Variants in TMEM132D observed in about 807,000 individuals in gnomAD.
TMEM132D encodes the protein transmembrane protein 132D.
In TMEM132D, 21 loss-of-function variants were observed where a neutral mutation model predicts 62.3. That is an observed-to-expected ratio of 0.34 (90% CI 0.24 to 0.49). The LOEUF (loss-of-function observed/expected upper bound fraction) is 0.49, where lower values mean the gene tolerates loss of function less well. Ranked by LOEUF, TMEM132D falls within the 20% of genes least tolerant of loss-of-function variation. The pLI is 0.99. For missense variants in TMEM132D, 1,346 were observed against 1,402.8 expected (o/e 0.96, Z 0.65); for synonymous variants, 621 against 575.6 (o/e 1.08, Z -1.13).
chr12:129,616,674 T>C (rs886133642), intron 2 of TMEM132D, among the ~76,000 whole-genome samples: 1 of 152,214 alleles, frequency 6.6e-6, no homozygotes, highest in Non-Finnish European at 1.5e-5. Context: ...GCTGCCGCCA[T>C]GTGAAGAAGG....
intron 1 of TMEM132D, among the ~76,000 whole-genome samples, chr12:129,845,898 C>T (rs973405703): frequency 7.9e-5 from 12 of 152,308 alleles, no homozygotes; most frequent in Non-Finnish European, 1.8e-4. Flanking sequence ...GCTCTGCAGT[C>T]GTACTGATAC....
At chr12:129,437,130 T>A (rs1872807769) in intron 3 of TMEM132D, among the ~76,000 whole-genome samples, 1 of 152,140 alleles carries the variant, frequency 6.6e-6, no homozygotes, top group Non-Finnish European at 1.5e-5. Flanking sequence ...TGTTGAGAGT[T>A]AGGGTCAATG....
At chr12:129,498,805 A>G (rs1875040810) in intron 3 of TMEM132D, among the ~76,000 whole-genome samples, 2 of 152,326 alleles carry the variant, frequency 1.3e-5, no homozygotes, top group South Asian at 4.1e-4. Flanking sequence ...GAAGTCTAAC[A>G]TGAGAATATA....
chr12:129,352,100 C>T (rs1368386441), intron 3 of TMEM132D, among the ~76,000 whole-genome samples: 1 of 152,174 alleles, frequency 6.6e-6, no homozygotes, highest in Non-Finnish European at 1.5e-5. Flanking sequence ...GAGGCTGGGA[C>T]TTGCTGGGCT....
chr12:129,730,719 C>T (rs531544476), intron 1 of TMEM132D, among the ~76,000 whole-genome samples: 1 of 146,014 alleles, frequency 6.8e-6, no homozygotes, highest in Non-Finnish European at 1.5e-5. Flanking sequence ...ATCTAATCAG[C>T]TGCCAGCACG....
intron 1 of TMEM132D, among the ~76,000 whole-genome samples, chr12:129,784,107 A>C (rs527335911): frequency 2.0e-4 from 30 of 152,344 alleles, no homozygotes; most frequent in Non-Finnish European, 3.8e-4. Context: ...TTAACTAGCA[A>C]AGGCTTCACC....
At chr12:129,135,030 A>T (rs1876517699) in intron 5 of TMEM132D, among the ~76,000 whole-genome samples, 1 of 152,282 alleles carries the variant, frequency 6.6e-6, no homozygotes, top group African/African-American at 2.4e-5. Flanking sequence ...GTTGCTGGGG[A>T]CAGGTGGAGG....
At chr12:129,498,110 A>G (rs1939555785) in intron 3 of TMEM132D, among the ~76,000 whole-genome samples, 1 of 152,220 alleles carries the variant, frequency 6.6e-6, no homozygotes, top group Admixed American at 6.5e-5. Flanking sequence ...ATGTGAACCC[A>G]GAGAGTAAAC....
At chr12:129,358,305 C>G (rs954250252) in intron 3 of TMEM132D, among the ~76,000 whole-genome samples, 11 of 152,076 alleles carry the variant, frequency 7.2e-5, no homozygotes, top group South Asian at 2.1e-4. Context: ...TTTCTGGAAC[C>G]CTTGTTGTTT....
Position 129,650,745 on chromosome 12 carries a change from T to C in TMEM132D, c.968+49065A>G, listed in dbSNP as rs150908163. ...GTTAAACTGATCATCTCTTCTCAAG[T>C]CTGTTGGCAGTGCAGATTTCCTCTT... is the stretch of plus-strand genomic sequence containing the variant. On this transcript the variant is annotated intron_variant, in intron 2 of 8. Transcript: ENST00000422113. Among the ~76,000 whole-genome samples the C allele has an allele frequency of 5.8e-4, 88 of 152,334 alleles. No individual in the cohort carries two copies. In the East Asian group the frequency reaches 0.017, roughly 29 times the overall value.
intron 2 of TMEM132D, among the ~76,000 whole-genome samples, chr12:129,605,376 C>A (rs976146871): frequency 1.3e-5 from 2 of 151,896 alleles, no homozygotes; most frequent in African/African-American, 4.8e-5. Flanking sequence ...CTGGAGAACA[C>A]CCATGCACCC....
At chr12:129,747,246 G>C (rs933238008) in intron 1 of TMEM132D, among the ~76,000 whole-genome samples, 22 of 30,538 alleles carry the variant, frequency 7.2e-4, no homozygotes, top group Non-Finnish European at 1.9e-4. Context: ...ACAGTGACCC[G>C]GGCGGGGCAG....
chr12:129,236,155 T>TGA (rs35395261), intron 4 of TMEM132D, among the ~76,000 whole-genome samples: 31 of 144,656 alleles, frequency 2.1e-4, no homozygotes, highest in East Asian at 1.6e-3. Flanking sequence ...TGTGTGTGTA[T>TGA]GAGAGAGAGA....
intron 2 of TMEM132D, among the ~76,000 whole-genome samples, chr12:129,665,317 TG>T (rs1241864986): frequency 3.9e-5 from 6 of 152,160 alleles, no homozygotes; most frequent in African/African-American, 1.2e-4. Flanking sequence ...GAGGTTTAGA[TG>T]TACCAGCATT....
At chr12:129,113,354 C>G (rs1401907367) in intron 5 of TMEM132D, 3 of 152,154 alleles carry the variant, frequency 2.0e-5, no homozygotes, top group Admixed American at 2.0e-4. Context: ...CTAGGCTGAA[C>G]CCCTGGTGTT....
intron 4 of TMEM132D, among the ~76,000 whole-genome samples, chr12:129,281,893 C>G (rs1228296562): frequency 6.6e-6 from 1 of 152,176 alleles, no homozygotes. Context: ...GACCAGGTGT[C>G]TTTCCTCAAT....
chr12:129,622,240 G>T (rs925469524), intron 2 of TMEM132D, among the ~76,000 whole-genome samples: 10 of 152,156 alleles, frequency 6.6e-5, no homozygotes, highest in African/African-American at 2.2e-4. Context: ...TCGTCCACTA[G>T]CCCCACAGGC....
chr12:129,083,017 G>A (rs1227064978), intron 6 of TMEM132D, among the ~76,000 whole-genome samples: 1 of 152,164 alleles, frequency 6.6e-6, no homozygotes, highest in Non-Finnish European at 1.5e-5. Flanking sequence ...GAGCCACCAT[G>A]CCTGGCCAGC....
intron 3 of TMEM132D, among the ~76,000 whole-genome samples, chr12:129,504,878 T>G (rs2137069871): frequency 1.3e-5 from 2 of 152,302 alleles, no homozygotes; most frequent in East Asian, 3.9e-4. Context: ...TAGCACTGCC[T>G]TTGCTGTATC....
Sources: allele counts gnomAD v4.1 joint callset (sites outside exome capture counted in the v4.1 genomes callset), GRCh38; gene constraint gnomAD v4.1.1; transcripts MANE v1.5; gene names NCBI Gene and HGNC (gene_info 2026-07-23, HGNC 2026-07-21).